MNAT1: variants seen among roughly 807,000 people sequenced by gnomAD.
MNAT1 encodes CDK-activating kinase assembly factor MAT1.
Under a neutral mutation model 42.0 loss-of-function variants are expected in MNAT1, and 43 were observed. That is an observed-to-expected ratio of 1.02 (90% confidence interval 0.80 to 1.32). The LOEUF is 1.32. Among genes scored for constraint, MNAT1 ranks in the 40% most tolerant of loss-of-function variants. The pLI, the probability that MNAT1 is intolerant of heterozygous loss-of-function variation, is 0.00. For missense variants in MNAT1, 306 were observed against 350.4 expected (o/e 0.87, Z 1.01); for synonymous variants, 118 against 120.0 (o/e 0.98, Z 0.11).
intron 6 of MNAT1, among the ~76,000 whole-genome samples, chr14:60,843,471 C>T (rs1427224949): frequency 6.6e-6 from 1 of 151,940 alleles, no homozygotes; most frequent in Non-Finnish European, 1.5e-5. Flanking sequence ...GGGGTTTCAC[C>T]GTGTTGGCCA....
At chr14:60,909,248 A>G (rs1466165733) in intron 7 of MNAT1, among the ~76,000 whole-genome samples, 3 of 152,068 alleles carry the variant, frequency 2.0e-5, no homozygotes, top group Admixed American at 1.3e-4. Context: ...AGTAGGTTGC[A>G]AAAATTTTCT....
intron 7 of MNAT1, among the ~76,000 whole-genome samples, chr14:60,890,924 A>G (rs2034829958): frequency 6.6e-6 from 1 of 152,146 alleles, no homozygotes; most frequent in Non-Finnish European, 1.5e-5. Context: ...CCTTCCATCC[A>G]ATCAAGTTGA....
At chr14:60,844,546 G>T (rs2033634003) in intron 6 of MNAT1, among the ~76,000 whole-genome samples, 1 of 151,976 alleles carries the variant, frequency 6.6e-6, no homozygotes, top group Non-Finnish European at 1.5e-5. Context: ...TTTACATTGG[G>T]CTTGCGTGCG....
intron 7 of MNAT1, among the ~76,000 whole-genome samples, chr14:60,907,850 G>A (rs918982311): frequency 6.7e-6 from 1 of 149,022 alleles, no homozygotes; most frequent in East Asian, 2.0e-4. Context: ...CAACAGTATT[G>A]CACTTTCTAG....
chr14:60,906,971 C>G (rs368885464), intron 7 of MNAT1, among the ~76,000 whole-genome samples: 1 of 152,138 alleles, frequency 6.6e-6, no homozygotes, highest in Non-Finnish European at 1.5e-5. Flanking sequence ...TTTCCACCCC[C>G]CAACCCCAAT....
intron 7 of MNAT1, among the ~76,000 whole-genome samples, chr14:60,912,203 G>A (rs558400752): frequency 1.3e-5 from 2 of 152,146 alleles, no homozygotes; most frequent in African/African-American, 4.8e-5. Flanking sequence ...TTTATTTTGA[G>A]CCTATGTGTG....
chr14:60,814,224 A>G (rs1268583216), intron 5 of MNAT1, among the ~76,000 whole-genome samples: 1 of 152,210 alleles, frequency 6.6e-6, no homozygotes, highest in Non-Finnish European at 1.5e-5. Context: ...CTTGAAAGAA[A>G]TAGCGGGGTT....
At chr14:60,877,352 T>C (rs1372536581) in intron 6 of MNAT1, among the ~76,000 whole-genome samples, 1 of 152,124 alleles carries the variant, frequency 6.6e-6, no homozygotes, top group Non-Finnish European at 1.5e-5. Flanking sequence ...GCTAGGATGA[T>C]GCTACATACT....
chr14:60,953,720 C>T (rs576591259), intron 7 of MNAT1, among the ~76,000 whole-genome samples: 1 of 152,252 alleles, frequency 6.6e-6, no homozygotes, highest in South Asian at 2.1e-4. Context: ...TCCATGATGG[C>T]TTTACAATTT....
intron 6 of MNAT1, among the ~76,000 whole-genome samples, chr14:60,823,567 T>C (rs527801453): frequency 6.6e-6 from 1 of 152,338 alleles, no homozygotes; most frequent in African/African-American, 2.4e-5. Flanking sequence ...AAGAAATCAC[T>C]GTACTTGTGG....
chr14:60,845,024 CTG>C (rs1314501423), intron 6 of MNAT1, among the ~76,000 whole-genome samples: 1 of 151,776 alleles, frequency 6.6e-6, no homozygotes, highest in Non-Finnish European at 1.5e-5. Flanking sequence ...ATTTTTGTGT[CTG>C]TATTCATCAG....
intron 3 of MNAT1, among the ~76,000 whole-genome samples, chr14:60,801,129 AAAG>A (rs771757687): frequency 1.2e-4 from 18 of 152,276 alleles, no homozygotes; most frequent in South Asian, 6.2e-4. Context: ...TTTGATCTTA[AAAG>A]AAGAAGAAGA....
At chr14:60,785,819 C>T (rs183691103) in intron 1 of MNAT1, among the ~76,000 whole-genome samples, 1 of 152,160 alleles carries the variant, frequency 6.6e-6, no homozygotes, top group African/African-American at 2.4e-5. Context: ...AGAGGATAGC[C>T]AACTGTTTAG....
intron 7 of MNAT1, among the ~76,000 whole-genome samples, chr14:60,966,309 G>A (rs908422277): frequency 6.6e-6 from 1 of 151,776 alleles, no homozygotes; most frequent in Non-Finnish European, 1.5e-5. Context: ...TAGTAGAGAC[G>A]GGGTTTCACC....
intron 7 of MNAT1, among the ~76,000 whole-genome samples, chr14:60,880,981 T>C (rs892592638): frequency 6.6e-6 from 1 of 152,214 alleles, no homozygotes; most frequent in African/African-American, 2.4e-5. Context: ...ATTTATTTCT[T>C]ATCTCTTACA....
At chr14:60,748,816 A>G (rs1472824169) in intron 1 of MNAT1, among the ~76,000 whole-genome samples, 1 of 152,234 alleles carries the variant, frequency 6.6e-6, no homozygotes, top group African/African-American at 2.4e-5. Flanking sequence ...ACACTATAAA[A>G]TAACAATTAA....
intron 1 of MNAT1, among the ~76,000 whole-genome samples, chr14:60,749,844 G>A (rs1233307160): frequency 6.6e-6 from 1 of 152,112 alleles, no homozygotes; most frequent in East Asian, 1.9e-4. Flanking sequence ...ATTTTCTTCA[G>A]GTTTCAAATG....
At chr14:60,842,606 TC>T (rs1327396511) in intron 6 of MNAT1, among the ~76,000 whole-genome samples, 2 of 152,234 alleles carry the variant, frequency 1.3e-5, no homozygotes, top group Non-Finnish European at 2.9e-5. Context: ...TGTATAATGG[TC>T]ATATGCAGGA....
intron 1 of MNAT1, among the ~76,000 whole-genome samples, chr14:60,778,831 A>G (rs1335059461): frequency 6.6e-6 from 1 of 152,178 alleles, no homozygotes; most frequent in East Asian, 1.9e-4. Flanking sequence ...CATCATATGG[A>G]TATTCATTAT....
Sources: gnomAD v4.1 joint callset for allele counts (sites outside exome capture counted in the v4.1 genomes callset) on GRCh38, gnomAD v4.1.1 for gene constraint, MANE v1.5 for transcripts, NCBI Gene and HGNC (gene_info 2026-07-23, HGNC 2026-07-21) for gene names.